The following TNNI2 variants were observed in gnomAD, a reference collection of about 807,000 sequenced individuals.
TNNI2 encodes the protein troponin I2, fast skeletal type, also known as troponin I, fast skeletal muscle.
TNNI2 carries 14 observed loss-of-function variants against 26.5 expected under a neutral mutation model. The ratio of observed to expected loss-of-function variants is 0.53; its 90% confidence interval spans 0.35 to 0.83. TNNI2 has a LOEUF of 0.83. Ranked by LOEUF, TNNI2 falls within the 40% of genes least tolerant of loss-of-function variation. The probability of loss-of-function intolerance (pLI) is 0.01; values close to 1 mark genes in which losing one functional copy is unlikely to be tolerated. For synonymous variants in TNNI2, 126 were observed against 97.6 expected (o/e 1.29, Z -1.71); for missense variants, 205 against 248.5 (o/e 0.82, Z 1.18).
At chr11:1,840,325 GGCCAGGGA>G in intron 3 of TNNI2, 70 bp from the exon 4 acceptor site, 1 of 1,554,164 alleles carries the variant, frequency 6.4e-7, no homozygotes, top group South Asian at 1.2e-5. Flanking sequence ...CCCCTGACCT[GGCCAGGGA>G]GCGTGGAAGG....
At chr11:1,839,524 G>A in intron 1 of TNNI2, 151 bp from the exon 2 acceptor site, 1 of 695,162 alleles carries the variant, frequency 1.4e-6, no homozygotes, top group Admixed American at 2.3e-5. Context: ...TGTCCTTGAA[G>A]GAGGTGAGAG....
At position 1,841,016 on chromosome 11, in the gene TNNI2, C is replaced by T. The variant is rs542401031; in HGVS notation, c.277-15C>T. The T allele has an allele frequency of 7.6e-5, 122 of 1,611,382 alleles. 1 individual carries two copies. In the South Asian group the frequency reaches 1.3e-3, roughly 17 times the overall value. ...ACCGGGACCTCGGGCTCCCACCCGG[C>T]TCCCCTGCCCACAGCTGGAGGACAT... On this transcript the variant is annotated splice_polypyrimidine_tract_variant and intron_variant, in intron 6 of 7. Transcript: ENST00000381911.
rs1847147892 is a variant in TNNI2 at position 1,840,628 on chromosome 11, A to G, written c.158A>G (p.His53Arg). ...CTGGCGGAGCACTGCCCGCCGCTGC[A>G]TATCCCGGGCTCCATGTCTGAAGTG... ...NYLAEHCPPL[H>R]IPGSMSEVQE... is the part of the protein sequence containing the mutation. Residue 53 changes from histidine (H) to arginine (R), a missense_variant, in exon 5 of 8, where the codon CAT (histidine) becomes CGT (arginine). Transcript: ENST00000381911. 6.2e-7 allele frequency: 1 copy of G among 1,612,838 alleles called. No homozygotes were observed.
chr11:1,839,744 C>T, intron 2 of TNNI2, 40 bp downstream of exon 2: 1 of 1,613,724 alleles, frequency 6.2e-7, no homozygotes, highest in Non-Finnish European at 8.5e-7. Context: ...TGACCCTGCC[C>T]ACCTCCTGCC....
chr11:1,840,747 G>A, intron 5 of TNNI2, 72 bp from the exon 6 acceptor site: 1 of 1,603,778 alleles, frequency 6.2e-7, no homozygotes, highest in Non-Finnish European at 8.5e-7. Flanking sequence ...CCAGTGGGGT[G>A]GTCAGGGCAG....
Position 1,840,532 on chromosome 11 carries a change from T to C in TNNI2, c.62T>C (p.Val21Ala). ...TCACCGCCTGCCCCACCGCAGAGTG[T>C]GATGCTGCAGATAGCGGCCACGGAG... ...ITARRQHLKS[V>A]MLQIAATELE... The change falls in exon 5 of 8, where the codon GTG (valine) becomes GCG (alanine). Residue 21 changes from valine (V) to alanine (A), a missense_variant. By Grantham distance (64) the Val-to-Ala change is moderately conservative (BLOSUM62 0). Coordinates refer to ENST00000381911, the MANE Select transcript of TNNI2 (RefSeq NM_003282.4). The C allele has an allele frequency of 6.2e-7, 1 of 1,611,924 alleles. No individual in the cohort carries two copies. Among genetic ancestry groups the C allele is most frequent in the Non-Finnish European group, 8.5e-7 (1 of 1,179,614 alleles).
At chr11:1,840,305 G>A (rs1847133720) in intron 3 of TNNI2, 98 bp from the exon 4 acceptor site, 23 of 1,546,140 alleles carry the variant, frequency 1.5e-5, no homozygotes, top group Middle Eastern at 1.7e-4. Flanking sequence ...TGCTGGTCCC[G>A]GAGCCGGAGC....
rs375957397 is a variant in TNNI2 at position 1,840,921 on chromosome 11, G to A, written c.276+13G>A. ...GACCAGCAAGGAGGTGAGTGGTGGC[G>A]GCGGGCCGGCGGCAGGCGGGTAGGC... On this transcript the variant is annotated intron_variant, in intron 6 of 7. Coordinates refer to ENST00000381911, the MANE Select transcript of TNNI2 (RefSeq NM_003282.4). The A allele has an allele frequency of 2.1e-5, 33 of 1,609,288 alleles. No homozygotes were observed. The highest frequency in any genetic ancestry group is 6.6e-5 in the South Asian group (6 of 90,650).
rs962187630 is a variant in TNNI2, at chr11:1,840,345, G to C, written c.16-58G>C. 4 of 1,569,998 alleles carry C rather than the reference G, an allele frequency of 2.5e-6. No homozygotes were observed. The African/African-American group carries it at 5.4e-5, about 21-fold the overall frequency. On this transcript the variant is annotated intron_variant, in intron 3 of 7. Coordinates refer to ENST00000381911, the MANE Select transcript of TNNI2 (RefSeq NM_003282.4). ...GACCTGGCCAGGGAGCGTGGAAGGG[G>C]GTGGGGGTGCTCCAGGCCTGGAGGC...
At chr11:1,841,416 G>A (rs755564422) in intron 7 of TNNI2, 40 bp from the exon 8 acceptor site, 3 of 1,607,394 alleles carry the variant, frequency 1.9e-6, no homozygotes, top group East Asian at 4.5e-5. Flanking sequence ...GCGTGCATAA[G>A]TGGGTGAGCC....
intron 1 of TNNI2, 41 bp from the exon 2 acceptor site, chr11:1,839,634 G>A (rs1419362805): frequency 6.2e-7 from 1 of 1,611,432 alleles, no homozygotes; most frequent in Admixed American, 1.7e-5. Context: ...CATCACGGTG[G>A]CAAGGGCCTG....
At chr11:1,840,227 TCC>T (rs1847132073) in intron 3 of TNNI2, 174 bp from the exon 4 acceptor site, 1 of 1,551,082 alleles carries the variant, frequency 6.4e-7, no homozygotes, top group Non-Finnish European at 8.7e-7. Flanking sequence ...CAGCACCATG[TCC>T]CAGTGCAAGG....
rs942257942 is a variant in TNNI2 at position 1,840,657 on chromosome 11, G to T, written c.186+1G>T. The T allele has an allele frequency of 6.2e-7, 1 of 1,612,576 alleles. No individual in the cohort carries two copies. The highest frequency in any genetic ancestry group is 1.3e-5 in the African/African-American group (1 of 74,932). ...CCCGGGCTCCATGTCTGAAGTGCAGGTACCAGCCCCTCCCCGGCCACCCCG... is the reference window on the plus strand; with the variant it reads ...CCCGGGCTCCATGTCTGAAGTGCAGTTACCAGCCCCTCCCCGGCCACCCCG... On this transcript the variant is annotated splice_donor_variant, in intron 5 of 7. Coordinates refer to ENST00000381911, the MANE Select transcript of TNNI2 (RefSeq NM_003282.4). LOFTEE classifies it high-confidence loss of function.
rs766953084 is a variant in TNNI2, at chr11:1,840,890, G to A, written c.258G>A (p.Val86=). 2.0e-5 allele frequency: 33 copies of A among 1,613,182 alleles called. No homozygotes were observed. The highest frequency in any genetic ancestry group is 2.8e-5 in the Non-Finnish European group (33 of 1,179,788). Reference sequence around the variant, plus strand: ...AGAAGTACGACATGGAGGTGAGGGTGCAGAAGACCAGCAAGGAGGTGAGTG... The same window carrying A: ...AGAAGTACGACATGGAGGTGAGGGTACAGAAGACCAGCAAGGAGGTGAGTG... The part of the protein sequence containing the change: ...EEEKYDMEVR[V]QKTSKELEDM... The change falls in exon 6 of 8, where the codon GTG becomes GTA. Residue 86 remains valine, a synonymous_variant. Transcript: ENST00000381911.
chr11:1,841,266 C>A, intron 7 of TNNI2, 59 bp downstream of exon 7: 1 of 1,589,268 alleles, frequency 6.3e-7, no homozygotes, highest in East Asian at 2.3e-5. Context: ...ACCTCCCACA[C>A]CTGCCCCGCC....
In TNNI2 at chr11:1,841,630, A is replaced by AGGCTCT; in HGVS notation, c.*81_*82insCTCTGG. ...TAGGGAGATGCACCCAGAGCCTGCC[A>AGGCTCT]GGGAGGGCTGGCCTCACCACCACCG... On this transcript the variant is annotated 3_prime_UTR_variant, in exon 8 of 8. Coordinates refer to ENST00000381911, the MANE Select transcript of TNNI2 (RefSeq NM_003282.4). 7.3e-7 allele frequency: 1 copy of AGGCTCT among 1,363,908 alleles called. No individual in the cohort carries two copies. The highest frequency in any genetic ancestry group is 1.0e-6 in the Non-Finnish European group (1 of 961,478). 84.5% of individuals were successfully genotyped at this position (1,363,908 alleles called of 1,614,324 possible). A position where few individuals can be genotyped will look rare whatever the true frequency, so the allele number is the denominator to read the frequency against.
In TNNI2 at chr11:1,841,605, T is replaced by G. The variant is rs913343222; in HGVS notation, c.*54T>G. On this transcript the variant is annotated 3_prime_UTR_variant, in exon 8 of 8. Coordinates refer to ENST00000381911, the MANE Select transcript of TNNI2 (RefSeq NM_003282.4). ...GTGCCCGGCTCCCAGCAGAACATACTAGGGAGATGCACCCAGAGCCTGCCA... is the reference window on the plus strand; with the variant it reads ...GTGCCCGGCTCCCAGCAGAACATACGAGGGAGATGCACCCAGAGCCTGCCA... 1.3e-5 allele frequency: 20 copies of G among 1,531,996 alleles called. No individual in the cohort carries two copies. In the African/African-American group the frequency reaches 2.6e-4, roughly 20 times the overall value. 94.9% of individuals were successfully genotyped at this position (1,531,996 alleles called of 1,614,324 possible). A position where few individuals can be genotyped will look rare whatever the true frequency, so the allele number is the denominator to read the frequency against.
chr11:1,841,219 G>C lies in TNNI2; in HGVS notation c.453+12G>C. On this transcript the variant is annotated intron_variant, in intron 7 of 7. Transcript: ENST00000381911. ...AGGACACAGAGAAGGTGCGTGCCACGGGGGGAGCACCACCACACCTACCCT... is the reference window on the plus strand; with the variant it reads ...AGGACACAGAGAAGGTGCGTGCCACCGGGGGAGCACCACCACACCTACCCT... 1 of 1,609,106 alleles carries C rather than the reference G, an allele frequency of 6.2e-7. No homozygotes were observed. Among genetic ancestry groups the C allele is most frequent in the Non-Finnish European group, 8.5e-7 (1 of 1,179,690 alleles).
At chr11:1,840,217 C>T in intron 3 of TNNI2, 186 bp from the exon 4 acceptor site, 3 of 1,551,196 alleles carry the variant, frequency 1.9e-6, no homozygotes, top group Non-Finnish European at 2.6e-6. Context: ...ACACACCACA[C>T]AGCACCATGT....
Sources: allele counts gnomAD v4.1 joint callset, GRCh38; gene constraint gnomAD v4.1.1; transcripts MANE v1.5; gene names NCBI Gene and HGNC (gene_info 2026-07-23, HGNC 2026-07-21).